SNTG2: variants seen among roughly 807,000 people sequenced by gnomAD.
SNTG2 encodes syntrophin gamma 2, also known as gamma-2-syntrophin.
SNTG2 carries 74 observed loss-of-function variants against 70.9 expected under a neutral mutation model. That is an observed-to-expected ratio of 1.04 (90% CI 0.86 to 1.27). The LOEUF (loss-of-function observed/expected upper bound fraction) is 1.27, where lower values mean the gene tolerates loss of function less well. Among genes scored for constraint, SNTG2 ranks in the 50% most tolerant of loss-of-function variants. The pLI, the probability that SNTG2 is intolerant of heterozygous loss-of-function variation, is 0.00. For missense variants in SNTG2, 717 were observed against 690.7 expected (o/e 1.04, Z -0.43); for synonymous variants, 278 against 273.8 (o/e 1.02, Z -0.15).
chr2:1,165,760 A>G (rs1197030638), intron 7 of SNTG2, 125 bp downstream of exon 7: 20 of 808,868 alleles, frequency 2.5e-5, no homozygotes, highest in Non-Finnish European at 3.9e-5. Context: ...CAGAGAGAAG[A>G]AAAGTATAGG....
chr2:1,149,204 T>C (rs1332511153), intron 6 of SNTG2, among the ~76,000 whole-genome samples: 1 of 25,112 alleles, frequency 4.0e-5, no homozygotes, highest in Non-Finnish European at 1.1e-4. Context: ...TGTGTGTGTG[T>C]GTGTGAGAGA....
At chr2:951,710 C>G (rs1264888922) in intron 1 of SNTG2, among the ~76,000 whole-genome samples, 2 of 152,106 alleles carry the variant, frequency 1.3e-5, no homozygotes, top group Non-Finnish European at 2.9e-5. Flanking sequence ...AATGTTGGCC[C>G]AAAGAAAAAC....
intron 14 of SNTG2, among the ~76,000 whole-genome samples, chr2:1,293,763 C>G (rs144169279): frequency 6.6e-5 from 10 of 152,050 alleles, no homozygotes; most frequent in Non-Finnish European, 1.3e-4. Flanking sequence ...GTTTTGCGGC[C>G]GAGCATGTGG....
chr2:1,173,314 C>T, intron 8 of SNTG2, 131 bp downstream of exon 8: 1 of 866,194 alleles, frequency 1.2e-6, no homozygotes, highest in Admixed American at 2.4e-5. Flanking sequence ...AGAGGAAATA[C>T]TTAGAACACA....
chr2:967,485 G>C (rs753264798), intron 1 of SNTG2, among the ~76,000 whole-genome samples: 1 of 152,038 alleles, frequency 6.6e-6, no homozygotes, highest in Non-Finnish European at 1.5e-5. Flanking sequence ...TTTATTTTTA[G>C]TCTGTTTTTA....
At chr2:1,187,383 G>C (rs568373351) in intron 8 of SNTG2, among the ~76,000 whole-genome samples, 16 of 152,166 alleles carry the variant, frequency 1.1e-4, no homozygotes, top group African/African-American at 3.9e-4. Flanking sequence ...CCAATCAGTT[G>C]AAGGCCTTAA....
chr2:1,241,715 T>C (rs1006005762), intron 11 of SNTG2, among the ~76,000 whole-genome samples: 1 of 152,164 alleles, frequency 6.6e-6, no homozygotes, highest in Non-Finnish European at 1.5e-5. Flanking sequence ...GGGAGCACAG[T>C]TTCCGCTATG....
chr2:1,163,013 G>C (rs1394911397), intron 6 of SNTG2, among the ~76,000 whole-genome samples: 3 of 152,206 alleles, frequency 2.0e-5, no homozygotes, highest in Non-Finnish European at 4.4e-5. Flanking sequence ...AGCCCTATGG[G>C]GGCCCAGCCT....
chr2:1,156,345 C>T (rs1450936412), intron 6 of SNTG2, among the ~76,000 whole-genome samples: 1 of 152,036 alleles, frequency 6.6e-6, no homozygotes, highest in Non-Finnish European at 1.5e-5. Context: ...TCAGACACGG[C>T]AAGTCGGCAG....
At chr2:1,014,479 C>G (rs1284242473) in intron 1 of SNTG2, among the ~76,000 whole-genome samples, 2 of 87,452 alleles carry the variant, frequency 2.3e-5, no homozygotes, top group African/African-American at 3.9e-5. Context: ...TTTATAAGGA[C>G]AGAGAGAAGG....
chr2:1,102,037 C>T (rs139729498), intron 4 of SNTG2, among the ~76,000 whole-genome samples: 9 of 152,312 alleles, frequency 5.9e-5, no homozygotes, highest in East Asian at 1.9e-4. Context: ...ACAGATAAGA[C>T]GCTTCTCGGG....
intron 9 of SNTG2, among the ~76,000 whole-genome samples, chr2:1,220,813 C>A (rs139618696): frequency 6.6e-6 from 1 of 152,210 alleles, no homozygotes; most frequent in African/African-American, 2.4e-5. Flanking sequence ...CTTCAACACC[C>A]GGCAGTTCTG....
At chr2:1,022,613 C>T (rs1160535324) in intron 1 of SNTG2, among the ~76,000 whole-genome samples, 1 of 152,124 alleles carries the variant, frequency 6.6e-6, no homozygotes, top group Non-Finnish European at 1.5e-5. Flanking sequence ...CTCTGAGTCC[C>T]TGTATCCTCG....
At chr2:1,077,742 A>G (rs181712393) in intron 1 of SNTG2, among the ~76,000 whole-genome samples, 2 of 152,264 alleles carry the variant, frequency 1.3e-5, no homozygotes, top group East Asian at 1.9e-4. Flanking sequence ...GTTTTTCTAC[A>G]TCCCTGTGAC....
chr2:1,309,966 T>G (rs13415919), intron 15 of SNTG2, among the ~76,000 whole-genome samples: 2,122 of 152,302 alleles, frequency 0.014, 47 homozygotes, highest in African/African-American at 0.047. Flanking sequence ...AGCCAGTTCT[T>G]CATAACCTTA....
In SNTG2 at chr2:1,323,897, G is replaced by C. The variant is rs377703339; in HGVS notation, c.1488+7522G>C. 7.3e-5 allele frequency among the ~76,000 whole-genome samples: 11 copies of C among 150,340 alleles called. 2 individuals carry two copies. In the East Asian group the frequency reaches 8.0e-4, roughly 11 times the overall value. ...CGCCACCCAGTAATGTGGGACATGGGTAACAGTCACATTGCTGAGACCTCC... is the reference window on the plus strand; with the variant it reads ...CGCCACCCAGTAATGTGGGACATGGCTAACAGTCACATTGCTGAGACCTCC... On this transcript the variant is annotated intron_variant, in intron 16 of 16. Coordinates refer to ENST00000308624, the MANE Select transcript of SNTG2 (RefSeq NM_018968.4).
At chr2:974,860 G>T (rs969487398) in intron 1 of SNTG2, among the ~76,000 whole-genome samples, 1 of 152,148 alleles carries the variant, frequency 6.6e-6, no homozygotes, top group African/African-American at 2.4e-5. Context: ...GGTTAGGGTA[G>T]ACACTATGCC....
intron 7 of SNTG2, among the ~76,000 whole-genome samples, chr2:1,165,973 A>G (rs1297449438): frequency 6.6e-6 from 1 of 152,174 alleles, no homozygotes; most frequent in African/African-American, 2.4e-5. Flanking sequence ...TAAAATACCT[A>G]TGTTGATCTG....
intron 2 of SNTG2, among the ~76,000 whole-genome samples, chr2:1,085,421 A>G (rs993980206): frequency 3.9e-5 from 6 of 152,258 alleles, no homozygotes; most frequent in African/African-American, 1.4e-4. Context: ...GCTCATAGGT[A>G]TAGACTTATG....
Sources: gnomAD v4.1 joint callset for allele counts (sites outside exome capture counted in the v4.1 genomes callset) on GRCh38, gnomAD v4.1.1 for gene constraint, MANE v1.5 for transcripts, NCBI Gene and HGNC (gene_info 2026-07-23, HGNC 2026-07-21) for gene names.